Variants in SNX29 observed in about 807,000 individuals in gnomAD.
SNX29 encodes the protein sorting nexin 29.
Under a neutral mutation model 102.1 loss-of-function variants are expected in SNX29, and 78 were observed. The ratio of observed to expected loss-of-function variants is 0.76; its 90% confidence interval spans 0.64 to 0.92. The LOEUF (loss-of-function observed/expected upper bound fraction) is 0.92. Among genes scored for constraint, SNX29 ranks in the 40% least tolerant of loss-of-function variants. The probability of loss-of-function intolerance (pLI) is 0.00; values close to 1 mark genes in which losing one functional copy is unlikely to be tolerated. For missense variants in SNX29, 1,280 were observed against 1,061.7 expected (o/e 1.21, Z -2.86); for synonymous variants, 580 against 414.5 (o/e 1.40, Z -4.85).
At chr16:12,463,836 G>GTGTT (rs2086925334) in intron 18 of SNX29, among the ~76,000 whole-genome samples, 1 of 150,864 alleles carries the variant, frequency 6.6e-6, no homozygotes, top group South Asian at 2.1e-4. Context: ...GTGTGTGTGT[G>GTGTT]TGTGTGTGTG....
chr16:12,563,869 A>C lies in SNX29; in HGVS notation c.2319-4637A>C, dbSNP rs184848571. 9.9e-5 allele frequency among the ~76,000 whole-genome samples: 15 copies of C among 152,270 alleles called. No individual in the cohort carries two copies. In the East Asian group the frequency reaches 1.5e-3, roughly 16 times the overall value. On this transcript the variant is annotated intron_variant, in intron 20 of 20. Coordinates refer to ENST00000566228, the MANE Select transcript of SNX29 (RefSeq NM_032167.5). The stretch of plus-strand genomic sequence containing the variant: ...CCCTGCTGAATAGCCATCTCTCCCC[A>C]TCTCTAGCCCCTTGGGCCTCTGCCG...
intron 14 of SNX29, among the ~76,000 whole-genome samples, chr16:12,234,480 G>A (rs1487073015): frequency 2.0e-5 from 3 of 151,930 alleles, no homozygotes; most frequent in South Asian, 2.1e-4. Flanking sequence ...TCAGAGATAC[G>A]TGATTTGCAT....
chr16:12,478,984 C>A (rs998008896), intron 19 of SNX29, among the ~76,000 whole-genome samples: 3 of 152,192 alleles, frequency 2.0e-5, no homozygotes, highest in Admixed American at 6.5e-5. Flanking sequence ...AGAGCCATGA[C>A]CTTTCTCAGG....
intron 20 of SNX29, among the ~76,000 whole-genome samples, chr16:12,554,853 G>A (rs879214902): frequency 6.6e-6 from 1 of 152,176 alleles, no homozygotes; most frequent in Admixed American, 6.5e-5. Context: ...GTGCCAGGGT[G>A]CTCAGGAAAG....
intron 18 of SNX29, among the ~76,000 whole-genome samples, chr16:12,405,832 G>A (rs1190428282): frequency 1.3e-5 from 2 of 152,106 alleles, no homozygotes; most frequent in African/African-American, 4.8e-5. Flanking sequence ...TCAGTAGTTT[G>A]AGACCAGCCT....
At chr16:11,998,856 C>T (rs1007244836) in intron 1 of SNX29, among the ~76,000 whole-genome samples, 3 of 152,156 alleles carry the variant, frequency 2.0e-5, no homozygotes, top group African/African-American at 7.2e-5. Context: ...TGAGAACAGC[C>T]AGTGAGCAGT....
At chr16:12,334,827 C>A (rs1297764512) in intron 15 of SNX29, among the ~76,000 whole-genome samples, 1 of 147,206 alleles carries the variant, frequency 6.8e-6, no homozygotes, top group Non-Finnish European at 1.5e-5. Context: ...CTGCTTCTCT[C>A]AATTATTTTA....
chr16:12,173,547 C>A (rs934641674), intron 13 of SNX29, among the ~76,000 whole-genome samples: 1 of 152,194 alleles, frequency 6.6e-6, no homozygotes, highest in Non-Finnish European at 1.5e-5. Context: ...TATCTTTTGG[C>A]TCCAAATTCT....
chr16:12,322,872 T>G (rs1479146300), intron 15 of SNX29, among the ~76,000 whole-genome samples: 3 of 143,784 alleles, frequency 2.1e-5, no homozygotes, highest in Admixed American at 7.6e-5. Context: ...CAGGATGCGG[T>G]CACTGGAGTC....
chr16:12,354,475 A>G (rs574708721), intron 15 of SNX29, among the ~76,000 whole-genome samples: 74 of 152,326 alleles, frequency 4.9e-4, no homozygotes, highest in African/African-American at 1.4e-3. Context: ...TGTTTCCTGC[A>G]TTTATGGAAA....
chr16:12,436,872 C>T (rs773432647), intron 18 of SNX29, among the ~76,000 whole-genome samples: 29 of 152,174 alleles, frequency 1.9e-4, no homozygotes, highest in South Asian at 6.2e-4. Flanking sequence ...AGGCTGGTTT[C>T]GAACTACTGG....
intron 16 of SNX29, chr16:12,372,674 G>C (rs2082726595): frequency 6.6e-6 from 1 of 152,186 alleles, no homozygotes; most frequent in South Asian, 2.1e-4. Flanking sequence ...TTAGTTACCT[G>C]CTGGGGTATG....
intron 18 of SNX29, among the ~76,000 whole-genome samples, chr16:12,419,369 G>A (rs2084777563): frequency 6.6e-6 from 1 of 152,144 alleles, no homozygotes; most frequent in Non-Finnish European, 1.5e-5. Flanking sequence ...AATGGGGACA[G>A]TGTGGGAGAC....
chr16:12,514,906 G>C (rs2089794833), intron 19 of SNX29, among the ~76,000 whole-genome samples: 1 of 146,526 alleles, frequency 6.8e-6, no homozygotes, highest in African/African-American at 2.6e-5. Context: ...GAGAGGGAGA[G>C]AGAAAGAAAG....
chr16:12,213,211 T>C lies in SNX29; in HGVS notation c.1678+13528T>C, dbSNP rs971186071. ...ACTTGGATGGAACTAGAGGCCATCA[T>C]CCTAAGTGAAGTAACTCAGGAACAG... On this transcript the variant is annotated intron_variant, in intron 14 of 20. Transcript: ENST00000566228. Among the ~76,000 whole-genome samples, 7 of 152,208 alleles carry C rather than the reference T, an allele frequency of 4.6e-5. No individual in the cohort carries two copies. In the South Asian group the frequency reaches 1.5e-3, roughly 32 times the overall value.
At chr16:12,013,542 T>TATATAGAGAGAGAGAGAGAGAGAGAGAG (rs1382498593) in intron 3 of SNX29, among the ~76,000 whole-genome samples, 1 of 109,076 alleles carries the variant, frequency 9.2e-6, no homozygotes, top group African/African-American at 3.5e-5. Flanking sequence ...TATATATATA[T>TATATAGAGAGAGAGAGAGAGAGAGAGAG]CGAGAGAGGA....
intron 18 of SNX29, among the ~76,000 whole-genome samples, chr16:12,454,551 G>A (rs1237208462): frequency 6.6e-6 from 1 of 152,144 alleles, no homozygotes; most frequent in Non-Finnish European, 1.5e-5. Context: ...TGCTGCTGGC[G>A]AATGTGGCTT....
Position 12,572,158 on chromosome 16 carries a change from T to G in SNX29, c.*3529T>G. On this transcript the variant is annotated 3_prime_UTR_variant, in exon 21 of 21. Coordinates refer to ENST00000566228, the MANE Select transcript of SNX29 (RefSeq NM_032167.5). ...TACTTTGGAGCTTATTAAGATCAAT[T>G]TTGATAACCATGTAATTTCTTAGAA... 2.0e-6 allele frequency: 2 copies of G among 987,892 alleles called. No homozygotes were observed. The highest frequency in any genetic ancestry group is 2.5e-6 in the Non-Finnish European group (2 of 809,464). 61.2% of individuals were successfully genotyped at this position (987,892 alleles called of 1,614,324 possible).
At chr16:12,371,780 T>C (rs1464209096) in intron 16 of SNX29, among the ~76,000 whole-genome samples, 1 of 152,218 alleles carries the variant, frequency 6.6e-6, no homozygotes, top group Non-Finnish European at 1.5e-5. Flanking sequence ...GCAGATATTT[T>C]TTAGCTTTGT....
Sources: gnomAD v4.1 joint callset for allele counts (sites outside exome capture counted in the v4.1 genomes callset) on GRCh38, gnomAD v4.1.1 for gene constraint, MANE v1.5 for transcripts, NCBI Gene and HGNC (gene_info 2026-07-23, HGNC 2026-07-21) for gene names.